The following CDH13 variants were observed in gnomAD, a reference collection of about 807,000 sequenced individuals.
CDH13 encodes the protein cadherin 13.
Under a neutral mutation model 63.8 loss-of-function variants are expected in CDH13, and 24 were observed. That is an observed-to-expected ratio of 0.38 (90% CI 0.27 to 0.53). CDH13 has a LOEUF of 0.53. Ranked by LOEUF, CDH13 falls within the 20% of genes least tolerant of loss-of-function variation. The pLI is 0.85. For synonymous variants in CDH13, 503 were observed against 355.3 expected (o/e 1.42, Z -4.67); for missense variants, 1,049 against 903.1 (o/e 1.16, Z -2.07).
intron 7 of CDH13, among the ~76,000 whole-genome samples, chr16:83,562,930 G>C (rs761038683): frequency 2.0e-5 from 3 of 152,188 alleles, no homozygotes; most frequent in Non-Finnish European, 2.9e-5. Flanking sequence ...CGAGGACCTG[G>C]ATTTTGTCCT....
At chr16:83,119,825 A>T (rs1235445811) in intron 3 of CDH13, among the ~76,000 whole-genome samples, 16 of 152,214 alleles carry the variant, frequency 1.1e-4, no homozygotes. Flanking sequence ...CAAACTCATT[A>T]GCACAGACTC....
chr16:83,420,266 A>G (rs1309603942), intron 6 of CDH13, among the ~76,000 whole-genome samples: 1 of 152,206 alleles, frequency 6.6e-6, no homozygotes, highest in Non-Finnish European at 1.5e-5. Flanking sequence ...GGTAGTCACA[A>G]TTGAGAGCAT....
chr16:82,901,660 A>C (rs951250673), intron 2 of CDH13, among the ~76,000 whole-genome samples: 1 of 152,206 alleles, frequency 6.6e-6, no homozygotes, highest in Admixed American at 6.5e-5. Flanking sequence ...TATTGATTGG[A>C]TTAAATGGAT....
chr16:83,551,282 A>G (rs1326249590), intron 7 of CDH13, among the ~76,000 whole-genome samples: 1 of 152,154 alleles, frequency 6.6e-6, no homozygotes, highest in Non-Finnish European at 1.5e-5. Context: ...AGGTTTCACC[A>G]TGTTGAGCAG....
intron 8 of CDH13, among the ~76,000 whole-genome samples, chr16:83,634,256 T>A (rs1452185672): frequency 6.6e-6 from 1 of 150,690 alleles, no homozygotes; most frequent in Non-Finnish European, 1.5e-5. Flanking sequence ...CTACCTGTCT[T>A]GCTACTCCTT....
chr16:82,635,119 A>T (rs1908494954), intron 1 of CDH13, among the ~76,000 whole-genome samples: 1 of 152,184 alleles, frequency 6.6e-6, no homozygotes, highest in Non-Finnish European at 1.5e-5. Flanking sequence ...TTTCTCCTCC[A>T]CTAGACTATA....
At chr16:83,014,842 G>GTATATATATATGTA (rs369072006) in intron 2 of CDH13, among the ~76,000 whole-genome samples, 2 of 35,964 alleles carry the variant, frequency 5.6e-5, no homozygotes, top group South Asian at 1.1e-3. Context: ...ATATATATTT[G>GTATATATATATGTA]TATATATATA....
chr16:83,293,172 G>T (rs1238537557), intron 5 of CDH13, among the ~76,000 whole-genome samples: 1 of 152,168 alleles, frequency 6.6e-6, no homozygotes, highest in Non-Finnish European at 1.5e-5. Flanking sequence ...TTTATGAGCG[G>T]TCTTTGCACT....
At chr16:82,846,155 C>G (rs1336715037) in intron 1 of CDH13, among the ~76,000 whole-genome samples, 2 of 152,138 alleles carry the variant, frequency 1.3e-5, no homozygotes, top group African/African-American at 2.4e-5. Flanking sequence ...TTTGCATTGA[C>G]CAAACTTCTG....
chr16:83,335,901 C>G (rs1170243467), intron 5 of CDH13, among the ~76,000 whole-genome samples: 3 of 152,124 alleles, frequency 2.0e-5, no homozygotes, highest in Non-Finnish European at 2.9e-5. Context: ...AGACAGGAAT[C>G]TTGCCGATGC....
rs117635552 is a variant in CDH13 at position 83,511,045 on chromosome 16, C to T, written c.960+24390C>T. 6.8e-4 allele frequency among the ~76,000 whole-genome samples: 93 copies of T among 136,832 alleles called. No individual in the cohort carries two copies. In the East Asian group the frequency reaches 9.0e-3, roughly 13 times the overall value. The allele number at this position is 136,832 out of a possible 152,430, so 89.8% of individuals were successfully genotyped here. On this transcript the variant is annotated intron_variant, in intron 7 of 13. Transcript: ENST00000567109. ...ATACACGGACACGCACGCATGCACACGTGTGTGCACACACAGACACGCACA... is the reference window on the plus strand; with the variant it reads ...ATACACGGACACGCACGCATGCACATGTGTGTGCACACACAGACACGCACA...
In CDH13 at chr16:83,687,987, C is replaced by G. The variant is rs374643580; in HGVS notation, c.1538+9526C>G. ...TTTCCTTCCTCCTCATCTTTCTGAC[C>G]TGGATGCTTTTTAACTTTACAGTAG... On this transcript the variant is annotated intron_variant, in intron 10 of 13. Coordinates refer to ENST00000567109, the MANE Select transcript of CDH13 (RefSeq NM_001257.5). Among the ~76,000 whole-genome samples, 68 of 152,286 alleles carry G rather than the reference C, an allele frequency of 4.5e-4. 1 individual carries two copies. In the South Asian group the frequency reaches 0.014, roughly 32 times the overall value.
intron 1 of CDH13, among the ~76,000 whole-genome samples, chr16:82,826,865 C>A (rs537591221): frequency 6.6e-6 from 1 of 152,264 alleles, no homozygotes; most frequent in South Asian, 2.1e-4. Context: ...AAGGGTGAGG[C>A]AGGTTTTCAA....
chr16:83,659,879 C>A (rs896536284), intron 8 of CDH13, among the ~76,000 whole-genome samples: 2 of 151,460 alleles, frequency 1.3e-5, no homozygotes, highest in Non-Finnish European at 2.9e-5. Flanking sequence ...CTCCACCTCC[C>A]GGGTTCAAGC....
chr16:83,377,630 G>A (rs2151411101), intron 6 of CDH13, among the ~76,000 whole-genome samples: 1 of 152,308 alleles, frequency 6.6e-6, no homozygotes, highest in Non-Finnish European at 1.5e-5. Context: ...AAAAGTCATT[G>A]AATTGAAAAG....
At chr16:83,582,951 A>G (rs1369291493) in intron 7 of CDH13, among the ~76,000 whole-genome samples, 3 of 152,146 alleles carry the variant, frequency 2.0e-5, no homozygotes, top group Non-Finnish European at 4.4e-5. Flanking sequence ...ATCACCACCA[A>G]CTAGAGGGCA....
chr16:82,766,583 G>T (rs914287769), intron 1 of CDH13, among the ~76,000 whole-genome samples: 1 of 152,164 alleles, frequency 6.6e-6, no homozygotes, highest in Non-Finnish European at 1.5e-5. Context: ...CTCTTGTGAG[G>T]ACTAAATGAG....
chr16:82,785,726 C>T (rs1405361377), intron 1 of CDH13, among the ~76,000 whole-genome samples: 1 of 152,156 alleles, frequency 6.6e-6, no homozygotes, highest in Non-Finnish European at 1.5e-5. Flanking sequence ...AAGTGTATTC[C>T]AGTAACTGCA....
At chr16:82,862,130 A>C (rs906285295) in intron 2 of CDH13, among the ~76,000 whole-genome samples, 1 of 152,172 alleles carries the variant, frequency 6.6e-6, no homozygotes, top group Admixed American at 6.5e-5. Context: ...ATCTCCCTCA[A>C]ATTGCCCAGC....
Sources: gnomAD v4.1 joint callset for allele counts (sites outside exome capture counted in the v4.1 genomes callset) on GRCh38, gnomAD v4.1.1 for gene constraint, MANE v1.5 for transcripts, NCBI Gene and HGNC (gene_info 2026-07-23, HGNC 2026-07-21) for gene names.